LRBA: variants seen among roughly 807,000 people sequenced by gnomAD.
LRBA encodes the protein LPS responsive beige-like anchor protein.
Under a neutral mutation model 330.0 loss-of-function variants are expected in LRBA, and 176 were observed. The ratio of observed to expected loss-of-function variants is 0.53; its 90% confidence interval spans 0.47 to 0.60. The LOEUF is 0.60. Ranked by LOEUF, LRBA falls within the 20% of genes least tolerant of loss-of-function variation. LRBA has a pLI of 0.00. For missense variants in LRBA, 3,259 were observed against 3,444.8 expected, an observed-to-expected ratio of 0.95 and a Z score of 1.35; for synonymous variants, 1,230 against 1,193.0, an observed-to-expected ratio of 1.03 and a Z score of -0.64.
intron 37 of LRBA, among the ~76,000 whole-genome samples, chr4:150,641,141 TTTCACA>T (rs371197241): frequency 2.4e-4 from 37 of 152,274 alleles, no homozygotes; most frequent in Middle Eastern, 6.8e-3. Context: ...CTATGTCCTA[TTTCACA>T]GAGATCCAAA....
chr4:150,302,934 TAACA>T (rs1729864298), intron 52 of LRBA, 142 bp from the exon 53 acceptor site: 1 of 545,140 alleles, frequency 1.8e-6, no homozygotes, highest in African/African-American at 1.9e-5. Flanking sequence ...TGGTCCAACC[TAACA>T]GTTTTCTTTG....
intron 49 of LRBA, 66 bp downstream of exon 49, chr4:150,325,743 C>G: frequency 9.2e-7 from 1 of 1,085,190 alleles, no homozygotes; most frequent in South Asian, 1.3e-5. Flanking sequence ...CAATGAAAGA[C>G]TGTTATGAAT....
At chr4:150,540,471 A>G (rs1440733800) in intron 40 of LRBA, among the ~76,000 whole-genome samples, 1 of 152,184 alleles carries the variant, frequency 6.6e-6, no homozygotes, top group Admixed American at 6.5e-5. Context: ...CTGGGTATAC[A>G]GGCATGAGCC....
At chr4:150,675,378 T>C (rs757469726) in intron 37 of LRBA, among the ~76,000 whole-genome samples, 32 of 152,110 alleles carry the variant, frequency 2.1e-4, no homozygotes, top group Non-Finnish European at 4.1e-4. Context: ...ATACTACCTA[T>C]CTCATTGCTC....
intron 37 of LRBA, among the ~76,000 whole-genome samples, chr4:150,657,810 C>T (rs1780364604): frequency 6.6e-6 from 1 of 152,034 alleles, no homozygotes; most frequent in Admixed American, 6.6e-5. Context: ...GTTTAACATA[C>T]ATTTTTAACA....
intron 44 of LRBA, among the ~76,000 whole-genome samples, chr4:150,440,634 C>G (rs1472858210): frequency 6.6e-6 from 1 of 151,836 alleles, no homozygotes; most frequent in Non-Finnish European, 1.5e-5. Context: ...ATCAGATGGG[C>G]ATGGTGGTGT....
chr4:150,302,092 G>C (rs578199514), intron 53 of LRBA, among the ~76,000 whole-genome samples: 1 of 152,132 alleles, frequency 6.6e-6, no homozygotes, highest in Non-Finnish European at 1.5e-5. Context: ...CTTCAGCATA[G>C]TTTCATAAAG....
chr4:150,437,418 C>G (rs948681756), intron 44 of LRBA, among the ~76,000 whole-genome samples: 17 of 149,480 alleles, frequency 1.1e-4, no homozygotes, highest in Admixed American at 6.7e-5. Context: ...GCCTATATGT[C>G]TATATAGGAT....
chr4:150,396,479 C>T (rs1039103501), intron 47 of LRBA, among the ~76,000 whole-genome samples: 4 of 101,624 alleles, frequency 3.9e-5, no homozygotes, highest in African/African-American at 1.2e-4. Flanking sequence ...TAAATCTCAT[C>T]TCACACACAC....
At chr4:150,414,282 G>GTA (rs1242977819) in intron 47 of LRBA, among the ~76,000 whole-genome samples, 1 of 151,968 alleles carries the variant, frequency 6.6e-6, no homozygotes, top group Non-Finnish European at 1.5e-5. Flanking sequence ...ATTGTTTCCA[G>GTA]TATATATAGA....
At chr4:150,898,642 A>G (rs999621373) in intron 14 of LRBA, among the ~76,000 whole-genome samples, 8 of 33,466 alleles carry the variant, frequency 2.4e-4, no homozygotes, top group African/African-American at 5.8e-4. Flanking sequence ...TGTGATTCCT[A>G]GACAAAAAAA....
At chr4:150,368,511 C>CTATG (rs771360245) in intron 47 of LRBA, among the ~76,000 whole-genome samples, 2 of 152,052 alleles carry the variant, frequency 1.3e-5, no homozygotes, top group Non-Finnish European at 2.9e-5. Context: ...CATTTTCAGG[C>CTATG]TATGTATATA....
intron 44 of LRBA, among the ~76,000 whole-genome samples, chr4:150,455,454 A>G (rs566247764): frequency 6.6e-6 from 1 of 152,066 alleles, no homozygotes; most frequent in African/African-American, 2.4e-5. Flanking sequence ...ATGCAGCCAT[A>G]AAAAATGATG....
chr4:150,898,892 A>C (rs1007939219), intron 14 of LRBA, among the ~76,000 whole-genome samples: 1 of 152,198 alleles, frequency 6.6e-6, no homozygotes, highest in African/African-American at 2.4e-5. Flanking sequence ...GCTAAATTAT[A>C]GGTACCAGAT....
chr4:150,779,285 A>G (rs1737839052), intron 34 of LRBA, among the ~76,000 whole-genome samples: 1 of 152,124 alleles, frequency 6.6e-6, no homozygotes, highest in East Asian at 1.9e-4. Context: ...ACCCAGCCAG[A>G]AATACATATG....
chr4:150,756,166 G>T (rs577796525), intron 35 of LRBA, among the ~76,000 whole-genome samples: 3 of 152,032 alleles, frequency 2.0e-5, no homozygotes, highest in African/African-American at 7.2e-5. Context: ...TTCTCTCTAA[G>T]ACACACAAGT....
At chr4:150,788,698 T>G (rs888996454) in intron 34 of LRBA, among the ~76,000 whole-genome samples, 2 of 150,916 alleles carry the variant, frequency 1.3e-5, no homozygotes, top group African/African-American at 4.9e-5. Context: ...GAGGCAGAGG[T>G]TGCAGTGAGC....
intron 37 of LRBA, among the ~76,000 whole-genome samples, chr4:150,670,842 C>T (rs1781985083): frequency 6.6e-6 from 1 of 152,146 alleles, no homozygotes. Context: ...AGAAATCTTG[C>T]TTTTACTATC....
intron 35 of LRBA, among the ~76,000 whole-genome samples, chr4:150,753,844 G>A (rs760605408): frequency 4.6e-5 from 7 of 152,076 alleles, no homozygotes; most frequent in Non-Finnish European, 7.4e-5. Flanking sequence ...AAGGTGGGAG[G>A]ATCACTTGAG....
Sources: allele counts gnomAD v4.1 joint callset (sites outside exome capture counted in the v4.1 genomes callset), GRCh38; gene constraint gnomAD v4.1.1; transcripts MANE v1.5; gene names NCBI Gene and HGNC (gene_info 2026-07-23, HGNC 2026-07-21).